PCDHGA1: variants seen among roughly 807,000 people sequenced by gnomAD.
PCDHGA1 encodes the protein protocadherin gamma-A1.
In PCDHGA1, 32 loss-of-function variants were observed where a neutral mutation model predicts 58.0. That is an observed-to-expected ratio of 0.55 (90% CI 0.42 to 0.74). The LOEUF (loss-of-function observed/expected upper bound fraction) is 0.74. Among genes scored for constraint, PCDHGA1 ranks in the 30% least tolerant of loss-of-function variants. The pLI is 0.00. For missense variants in PCDHGA1, 1,205 were observed against 1,182.3 expected (o/e 1.02, Z -0.28); for synonymous variants, 498 against 501.1 (o/e 0.99, Z 0.08).
At chr5:141,344,423 T>G in intron 1 of PCDHGA1, 1 of 1,612,772 alleles carries the variant, frequency 6.2e-7, no homozygotes, top group Non-Finnish European at 8.5e-7. Flanking sequence ...ATGATAATGC[T>G]CCTAATTTCC....
chr5:141,438,983 T>C (rs1296267457), intron 1 of PCDHGA1, among the ~76,000 whole-genome samples: 1 of 151,930 alleles, frequency 6.6e-6, no homozygotes, highest in Non-Finnish European at 1.5e-5. Context: ...TGACTTATCT[T>C]AAAAGGCTAA....
Position 141,356,987 on chromosome 5 carries a change from G to A in PCDHGA1, c.2421+23882G>A, listed in dbSNP as rs146063218. On this transcript the variant is annotated intron_variant, in intron 1 of 3. Transcript: ENST00000517417. The stretch of plus-strand genomic sequence containing the variant: ...GTGACCAAAGTGGTGGCAGTGGACA[G>A]AGACTCAGGTCAGAATGCCTGGCTG... The A allele has an allele frequency of 5.2e-3, 8,384 of 1,614,186 alleles. 46 individuals carry two copies. Among genetic ancestry groups the A allele is most frequent in the Admixed American group, 9.4e-3 (566 of 60,032 alleles).
chr5:141,351,109 AAGT>A, intron 1 of PCDHGA1: 1 of 1,614,046 alleles, frequency 6.2e-7, no homozygotes, highest in Non-Finnish European at 8.5e-7. Context: ...ATTCCCCAAT[AAGT>A]ACCAGCCTCT....
intron 1 of PCDHGA1, chr5:141,422,581 G>C: frequency 6.2e-7 from 1 of 1,613,984 alleles, no homozygotes; most frequent in Non-Finnish European, 8.5e-7. Context: ...TAACCCTCCC[G>C]TTTTTCCTCA....
At chr5:141,346,741 A>G (rs898416865) in intron 1 of PCDHGA1, among the ~76,000 whole-genome samples, 2 of 152,214 alleles carry the variant, frequency 1.3e-5, no homozygotes. Flanking sequence ...CTAAGTTACT[A>G]TTTGAAATTG....
At chr5:141,444,644 G>T (rs1300191764) in intron 1 of PCDHGA1, among the ~76,000 whole-genome samples, 1 of 151,892 alleles carries the variant, frequency 6.6e-6, no homozygotes, top group Non-Finnish European at 1.5e-5. Flanking sequence ...ATTGAGGTAG[G>T]GGTTGAAGTT....
Position 141,477,650 on chromosome 5 carries a change from A to C in PCDHGA1, c.2422-17157A>C. The C allele has an allele frequency of 6.2e-7, 1 of 1,614,210 alleles. No homozygotes were observed. Among genetic ancestry groups the C allele is most frequent in the Non-Finnish European group, 8.5e-7 (1 of 1,180,036 alleles). On this transcript the variant is annotated intron_variant, in intron 1 of 3. Coordinates refer to ENST00000517417, the MANE Select transcript of PCDHGA1 (RefSeq NM_018912.3). The surrounding 1 kb of genome is among the most constrained non-coding windows in gnomAD (Gnocchi z 4.9). The stretch of plus-strand genomic sequence containing the variant: ...CGGGCTAGTGGGTCGCTATTTCACA[A>C]TAAATCGTGACAATGGCATAGTGTC...
intron 1 of PCDHGA1, among the ~76,000 whole-genome samples, chr5:141,354,582 G>A (rs748405111): frequency 1.3e-5 from 2 of 152,178 alleles, no homozygotes; most frequent in Non-Finnish European, 2.9e-5. Flanking sequence ...CATAAATTGG[G>A]ACTAAAGCCA....
chr5:141,455,343 G>A (rs1462807460), intron 1 of PCDHGA1, among the ~76,000 whole-genome samples: 1 of 152,036 alleles, frequency 6.6e-6, no homozygotes, highest in African/African-American at 2.4e-5. Flanking sequence ...TTTAAGGAGC[G>A]GAGAGTTTAA....
Position 141,393,407 on chromosome 5 carries a change from C to T in PCDHGA1, c.2421+60302C>T, listed in dbSNP as rs766086453. ...TAAACCCAGAGCTGGTGCTGGAGCG[C>T]GCCCTGGACAGGGAGGAAGAGGCTG... On this transcript the variant is annotated intron_variant, in intron 1 of 3. Transcript: ENST00000517417. 3.1e-6 allele frequency: 5 copies of T among 1,614,056 alleles called. No individual in the cohort carries two copies. In the South Asian group the frequency reaches 5.5e-5, roughly 18 times the overall value.
At chr5:141,404,371 C>T in intron 1 of PCDHGA1, 2 of 1,613,892 alleles carry the variant, frequency 1.2e-6, no homozygotes, top group Non-Finnish European at 1.7e-6. Flanking sequence ...CCATCTTCTC[C>T]GTGATTGCCT....
At position 141,357,430 on chromosome 5, in the gene PCDHGA1, G is replaced by A. The variant is rs772627679; in HGVS notation, c.2421+24325G>A. ...GCCTGCCTCGCACTTTGTGGGCGTG[G>A]ACGGGGTTCGGGCTTTCCTGCAGAC... is the stretch of plus-strand genomic sequence containing the variant. On this transcript the variant is annotated intron_variant, in intron 1 of 3. Coordinates refer to ENST00000517417, the MANE Select transcript of PCDHGA1 (RefSeq NM_018912.3). 25 of 1,614,218 alleles carry A rather than the reference G, an allele frequency of 1.5e-5. No individual in the cohort carries two copies. The South Asian group carries it at 2.6e-4, about 17-fold the overall frequency.
intron 1 of PCDHGA1, among the ~76,000 whole-genome samples, chr5:141,455,028 G>A (rs2098810519): frequency 6.6e-6 from 1 of 150,780 alleles, no homozygotes; most frequent in Non-Finnish European, 1.5e-5. Flanking sequence ...TAGCCAGGAT[G>A]GTCTCGATCT....
At chr5:141,351,860 G>A (rs753655374) in intron 1 of PCDHGA1, 1 of 1,613,258 alleles carries the variant, frequency 6.2e-7, no homozygotes, top group Non-Finnish European at 8.5e-7. Flanking sequence ...CAGGGACCAG[G>A]GCTCCCCCGC....
At position 141,490,124 on chromosome 5, in the gene PCDHGA1, T is replaced by C. The variant is rs1216088470; in HGVS notation, c.2422-4683T>C. On this transcript the variant is annotated intron_variant, in intron 1 of 3. Transcript: ENST00000517417. The surrounding 1 kb of genome is among the most constrained non-coding windows in gnomAD (Gnocchi z 5.4). ...GAGGCAGTGCGGAACCTCTTTGGCCTAGACCCTAGCAGTGGGGCAATCCAT... is the reference window on the plus strand; with the variant it reads ...GAGGCAGTGCGGAACCTCTTTGGCCCAGACCCTAGCAGTGGGGCAATCCAT... 6.2e-7 allele frequency: 1 copy of C among 1,614,144 alleles called. No individual in the cohort carries two copies. Among genetic ancestry groups the C allele is most frequent in the Non-Finnish European group, 8.5e-7 (1 of 1,180,054 alleles).
At chr5:141,373,898 A>AT (rs1769937255) in intron 1 of PCDHGA1, 1 of 541,162 alleles carries the variant, frequency 1.8e-6, no homozygotes, top group Non-Finnish European at 3.1e-6. Flanking sequence ...CTCAAGTTAC[A>AT]TCCTCCAACA....
chr5:141,366,545 C>T, intron 1 of PCDHGA1: 1 of 1,614,268 alleles, frequency 6.2e-7, no homozygotes, highest in East Asian at 2.2e-5. Context: ...GCCCGCCTCG[C>T]ACTTTGTGGG....
At chr5:141,502,480 AC>A (rs145333712) in intron 2 of PCDHGA1, among the ~76,000 whole-genome samples, 7,822 of 152,242 alleles carry the variant, frequency 0.051, 439 homozygotes, top group African/African-American at 0.14. Flanking sequence ...GCAGCATCAC[AC>A]TGGGACTCAT....
intron 1 of PCDHGA1, among the ~76,000 whole-genome samples, chr5:141,443,765 A>G (rs577762947): frequency 6.6e-6 from 1 of 152,340 alleles, no homozygotes; most frequent in East Asian, 1.9e-4. Context: ...TACAATATAC[A>G]ATATTACCAA....
Sources: gnomAD v4.1 joint callset for allele counts (sites outside exome capture counted in the v4.1 genomes callset) on GRCh38, gnomAD v4.1.1 for gene constraint, Gnocchi (gnomAD v3.1) non-coding constraint, MANE v1.5 for transcripts, NCBI Gene and HGNC (gene_info 2026-07-23, HGNC 2026-07-21) for gene names.